PTPRK: variants seen among roughly 807,000 people sequenced by gnomAD.
PTPRK encodes receptor-type tyrosine-protein phosphatase kappa.
In PTPRK, 75 loss-of-function variants were observed where a neutral mutation model predicts 178.0. That is an observed-to-expected ratio of 0.42 (90% CI 0.35 to 0.51). The LOEUF is 0.51. Ranked by LOEUF, PTPRK falls within the 20% of genes least tolerant of loss-of-function variation. The pLI is 0.02. For missense variants in PTPRK, 1,441 were observed against 1,797.8 expected, an observed-to-expected ratio of 0.80 and a Z score of 3.59; for synonymous variants, 637 against 620.6, an observed-to-expected ratio of 1.03 and a Z score of -0.39.
intron 7 of PTPRK, among the ~76,000 whole-genome samples, chr6:128,093,745 T>C (rs919476842): frequency 6.6e-6 from 1 of 151,704 alleles, no homozygotes; most frequent in African/African-American, 2.4e-5. Context: ...CATCCATCTA[T>C]AATGAAACAT....
intron 13 of PTPRK, among the ~76,000 whole-genome samples, chr6:128,017,829 T>C (rs972761968): frequency 2.9e-5 from 4 of 136,990 alleles, no homozygotes; most frequent in African/African-American, 1.1e-4. Flanking sequence ...TATATATATA[T>C]ATATTTGGCA....
chr6:128,282,861 A>C (rs1252042259), intron 3 of PTPRK, among the ~76,000 whole-genome samples: 1 of 152,180 alleles, frequency 6.6e-6, no homozygotes, highest in Non-Finnish European at 1.5e-5. Flanking sequence ...CTTGTGAGAT[A>C]AAGAGGCAAT....
At chr6:128,462,173 T>C (rs922926049) in intron 1 of PTPRK, among the ~76,000 whole-genome samples, 2 of 152,032 alleles carry the variant, frequency 1.3e-5, no homozygotes, top group Non-Finnish European at 2.9e-5. Context: ...AAAATATTTT[T>C]TGAGCAGAAG....
intron 3 of PTPRK, among the ~76,000 whole-genome samples, chr6:128,320,047 A>G (rs1295841648): frequency 2.0e-5 from 3 of 152,164 alleles, no homozygotes; most frequent in Non-Finnish European, 4.4e-5. Flanking sequence ...ACATTTACCC[A>G]TAGGTTCCAT....
At chr6:128,101,361 A>T (rs1788745387) in intron 7 of PTPRK, among the ~76,000 whole-genome samples, 1 of 151,984 alleles carries the variant, frequency 6.6e-6, no homozygotes, top group Admixed American at 6.6e-5. Context: ...CCTCATTCTA[A>T]CCTTCCTGCT....
intron 13 of PTPRK, among the ~76,000 whole-genome samples, chr6:128,030,571 G>A (rs1366981407): frequency 6.6e-6 from 1 of 152,120 alleles, no homozygotes; most frequent in Non-Finnish European, 1.5e-5. Flanking sequence ...TGTGCATCTT[G>A]AAATTGCATT....
intron 7 of PTPRK, among the ~76,000 whole-genome samples, chr6:128,166,652 A>G (rs913671352): frequency 3.3e-5 from 5 of 151,770 alleles, no homozygotes; most frequent in African/African-American, 1.2e-4. Flanking sequence ...TTCTAATAAC[A>G]TAAGACTCTC....
chr6:128,296,464 C>T (rs1320498009), intron 3 of PTPRK, among the ~76,000 whole-genome samples: 1 of 152,082 alleles, frequency 6.6e-6, no homozygotes, highest in Non-Finnish European at 1.5e-5. Context: ...ATGTTAAGGG[C>T]AGCCATAGAG....
intron 1 of PTPRK, among the ~76,000 whole-genome samples, chr6:128,483,175 AGTC>A (rs1265141155): frequency 6.6e-6 from 1 of 152,190 alleles, no homozygotes; most frequent in African/African-American, 2.4e-5. Context: ...GGCCTACAAA[AGTC>A]GTGTTTTTTC....
intron 4 of PTPRK, among the ~76,000 whole-genome samples, chr6:128,240,558 T>C (rs187977188): frequency 6.6e-6 from 1 of 152,312 alleles, no homozygotes; most frequent in Non-Finnish European, 1.5e-5. Context: ...ATATAATGAT[T>C]TCTAAACTAC....
chr6:128,061,787 C>T (rs1780871505), intron 13 of PTPRK, among the ~76,000 whole-genome samples: 1 of 152,116 alleles, frequency 6.6e-6, no homozygotes, highest in South Asian at 2.1e-4. Flanking sequence ...CCAGAGACTC[C>T]TCTATAATAT....
chr6:128,510,664 G>GA (rs1345949811), intron 1 of PTPRK, among the ~76,000 whole-genome samples: 1 of 152,080 alleles, frequency 6.6e-6, no homozygotes, highest in African/African-American at 2.4e-5. Flanking sequence ...CATGATATCT[G>GA]AAAACCAAGC....
chr6:128,031,417 A>G (rs562521107), intron 13 of PTPRK, among the ~76,000 whole-genome samples: 8 of 152,384 alleles, frequency 5.2e-5, no homozygotes, highest in African/African-American at 1.9e-4. Context: ...TACAAATTGC[A>G]TGACACTAAT....
intron 2 of PTPRK, among the ~76,000 whole-genome samples, chr6:128,349,796 C>T (rs1169848844): frequency 6.6e-6 from 1 of 152,016 alleles, no homozygotes; most frequent in African/African-American, 2.4e-5. Flanking sequence ...CATTTAAAAT[C>T]TATTTAAGCA....
chr6:128,214,376 T>C (rs1583515710), intron 6 of PTPRK, among the ~76,000 whole-genome samples: 1 of 152,216 alleles, frequency 6.6e-6, no homozygotes, highest in South Asian at 2.1e-4. Flanking sequence ...AAACTCTGTA[T>C]GTCCTTCAGG....
intron 7 of PTPRK, among the ~76,000 whole-genome samples, chr6:128,101,978 C>A (rs557792191): frequency 1.4e-4 from 22 of 152,264 alleles, no homozygotes; most frequent in African/African-American, 5.3e-4. Flanking sequence ...TTAATCTGTA[C>A]CTTTATTAAA....
intron 1 of PTPRK, among the ~76,000 whole-genome samples, chr6:128,425,967 A>G (rs1461722319): frequency 6.6e-6 from 1 of 152,240 alleles, no homozygotes; most frequent in Non-Finnish European, 1.5e-5. Context: ...TTTTTTTACT[A>G]CAAGACTGCT....
chr6:128,349,842 C>T (rs567155023), intron 2 of PTPRK, among the ~76,000 whole-genome samples: 1 of 152,066 alleles, frequency 6.6e-6, no homozygotes, highest in African/African-American at 2.4e-5. Flanking sequence ...TGTGGAAACT[C>T]TTTAATGATT....
intron 3 of PTPRK, among the ~76,000 whole-genome samples, chr6:128,291,284 C>T (rs1488281348): frequency 1.3e-5 from 2 of 152,068 alleles, no homozygotes; most frequent in African/African-American, 4.8e-5. Flanking sequence ...GGTAGATGGC[C>T]TTCTGAGGCT....
Sources: allele counts gnomAD v4.1 joint callset (sites outside exome capture counted in the v4.1 genomes callset), GRCh38; gene constraint gnomAD v4.1.1; transcripts MANE v1.5; gene names NCBI Gene and HGNC (gene_info 2026-07-23, HGNC 2026-07-21).